GSE1: variants seen among roughly 807,000 people sequenced by gnomAD.
GSE1 encodes the protein Gse1 coiled-coil protein, also known as genetic suppressor element 1.
A neutral mutation model predicts 112.6 loss-of-function variants in GSE1; 32 were observed. The observed-to-expected ratio is 0.28, with a 90% CI of 0.21 to 0.38. The LOEUF is 0.38. Ranked by LOEUF, GSE1 falls within the 10% of genes least tolerant of loss-of-function variation. The pLI, the probability that GSE1 is intolerant of heterozygous loss-of-function variation, is 1.00. For missense variants in GSE1, 2,348 were observed against 1,699.2 expected, an observed-to-expected ratio of 1.38 and a Z score of -6.71; for synonymous variants, 1,115 against 735.6, an observed-to-expected ratio of 1.52 and a Z score of -8.35.
intron 1 of GSE1, among the ~76,000 whole-genome samples, chr16:85,559,684 G>A (rs1038517238): frequency 1.3e-5 from 2 of 152,182 alleles, no homozygotes; most frequent in Non-Finnish European, 2.9e-5. Flanking sequence ...GTCCTTGGGC[G>A]GGTGACTGAT....
intron 2 of GSE1, among the ~76,000 whole-genome samples, chr16:85,642,266 A>C (rs12934363): frequency 6.6e-6 from 1 of 152,212 alleles, no homozygotes; most frequent in Non-Finnish European, 1.5e-5. Context: ...AGGCATGATC[A>C]CACTGCTGCA....
rs140120701 is a variant in GSE1 at position 85,274,307 on chromosome 16, C to T, written c.2284-83156C>T. ...GGCTGAGGCAGGAGAATCGCTTGAACCTGGGAGGCGGAGGTTGCAGTGAGC... is the reference window on the plus strand; with the variant it reads ...GGCTGAGGCAGGAGAATCGCTTGAATCTGGGAGGCGGAGGTTGCAGTGAGC... On this transcript the variant is annotated intron_variant, in intron 1 of 2. Transcript: ENST00000637419. Among the ~76,000 whole-genome samples the T allele has an allele frequency of 1.0e-3, 158 of 152,212 alleles. 1 individual carries two copies. The highest frequency in any genetic ancestry group is 3.6e-3 in the African/African-American group (151 of 41,534).
chr16:85,671,124 T>G lies in GSE1; in HGVS notation c.3519+26T>G, dbSNP rs373429028. Reference sequence around the variant, plus strand: ...GTGAGTTGGGAAGGGATGGAAACCTTCAAACACGCAACCTTTTGAGTTTGG... The same window carrying G: ...GTGAGTTGGGAAGGGATGGAAACCTGCAAACACGCAACCTTTTGAGTTTGG... On this transcript the variant is annotated intron_variant, in intron 15 of 15. Coordinates refer to ENST00000253458, the MANE Select transcript of GSE1 (RefSeq NM_014615.5). 3 of 1,289,002 alleles carry G rather than the reference T, an allele frequency of 2.3e-6. No homozygotes were observed. The African/African-American group carries it at 4.4e-5, about 19-fold the overall frequency. The allele number at this position is 1,289,002 out of a possible 1,614,324, so 79.8% of individuals were successfully genotyped here. A position where few individuals can be genotyped will look rare whatever the true frequency, so the allele number is the denominator to read the frequency against.
intron 1 of GSE1, among the ~76,000 whole-genome samples, chr16:85,225,959 C>G (rs12931712): frequency 0.2 from 31,047 of 152,032 alleles, 3,276 homozygotes; most frequent in South Asian, 0.34. Flanking sequence ...CCGGGTGGCT[C>G]TTTTGTGGCT....
At chr16:85,392,362 T>C (rs147829863) in intron 2 of GSE1, among the ~76,000 whole-genome samples, 20 of 152,336 alleles carry the variant, frequency 1.3e-4, no homozygotes, top group African/African-American at 4.3e-4. Context: ...TAAGTATGTC[T>C]CATGCAATAT....
intron 2 of GSE1, among the ~76,000 whole-genome samples, chr16:85,452,519 C>T (rs939498272): frequency 7.9e-5 from 12 of 152,252 alleles, no homozygotes; most frequent in Non-Finnish European, 1.5e-4. Flanking sequence ...AAAGCTACCC[C>T]GGCGGGGCCC....
chr16:85,605,865 G>T (rs777417220), intron 1 of GSE1, among the ~76,000 whole-genome samples: 1 of 151,434 alleles, frequency 6.6e-6, no homozygotes, highest in Non-Finnish European at 1.5e-5. Flanking sequence ...GCTCATGGGC[G>T]GCCCAGGAGC....
intron 1 of GSE1, among the ~76,000 whole-genome samples, chr16:85,566,345 G>T (rs950732442): frequency 6.6e-6 from 1 of 152,186 alleles, no homozygotes; most frequent in East Asian, 1.9e-4. Context: ...CCCAGGCCAC[G>T]CACAGCGCCG....
chr16:85,604,196 G>A (rs139292117), intron 1 of GSE1, among the ~76,000 whole-genome samples: 28 of 152,296 alleles, frequency 1.8e-4, no homozygotes, highest in African/African-American at 6.3e-4. Context: ...CTAGCCCTAA[G>A]CAACTACTCC....
intron 1 of GSE1, among the ~76,000 whole-genome samples, chr16:85,187,298 G>A (rs999789643): frequency 7.9e-5 from 12 of 152,238 alleles, no homozygotes; most frequent in Non-Finnish European, 1.6e-4. Flanking sequence ...TGGCAGCCCC[G>A]CAGCTCGGGA....
At chr16:85,453,337 A>G (rs1408384236) in intron 2 of GSE1, among the ~76,000 whole-genome samples, 2 of 152,094 alleles carry the variant, frequency 1.3e-5, no homozygotes, top group African/African-American at 2.4e-5. Context: ...TGCTCGGTGC[A>G]TGGACGCAGT....
intron 1 of GSE1, among the ~76,000 whole-genome samples, chr16:85,276,467 C>A (rs1039705754): frequency 1.3e-5 from 2 of 152,212 alleles, no homozygotes; most frequent in Admixed American, 6.5e-5. Flanking sequence ...CTGCCTGCTG[C>A]CCCAGTGTAT....
upstream of GSE1, among the ~76,000 whole-genome samples, chr16:85,611,878 G>T (rs1439625586): frequency 6.6e-6 from 1 of 151,846 alleles, no homozygotes; most frequent in Non-Finnish European, 1.5e-5. Context: ...AGGGAGGAAG[G>T]CGGGGGAGGC....
At chr16:85,227,418 C>G (rs552092180) in intron 1 of GSE1, among the ~76,000 whole-genome samples, 1 of 152,220 alleles carries the variant, frequency 6.6e-6, no homozygotes, top group Non-Finnish European at 1.5e-5. Context: ...TCAGCTCTAT[C>G]TTGCAAGGGA....
intron 2 of GSE1, among the ~76,000 whole-genome samples, chr16:85,496,075 C>G (rs1180861361): frequency 6.6e-6 from 1 of 152,210 alleles, no homozygotes; most frequent in Non-Finnish European, 1.5e-5. Flanking sequence ...GGTGCAGAAT[C>G]CATCCGAGCA....
intron 2 of GSE1, among the ~76,000 whole-genome samples, chr16:85,502,868 G>A (rs7500038): frequency 0.025 from 3,863 of 152,312 alleles, 62 homozygotes; most frequent in Non-Finnish European, 0.034. Flanking sequence ...GAGCAAGCAG[G>A]GGGGTGAAAA....
chr16:85,590,540 T>A (rs1173045126), intron 1 of GSE1, among the ~76,000 whole-genome samples: 2 of 151,440 alleles, frequency 1.3e-5, no homozygotes, highest in Non-Finnish European at 2.9e-5. Flanking sequence ...TGAGCATGTG[T>A]GACATTGCGT....
chr16:85,351,291 C>G (rs2046845909), intron 1 of GSE1, among the ~76,000 whole-genome samples: 1 of 152,222 alleles, frequency 6.6e-6, no homozygotes, highest in Admixed American at 6.5e-5. Flanking sequence ...CCCTGGGCTG[C>G]TGTGGGTCCT....
At chr16:85,649,676 A>G (rs1371332076) in intron 3 of GSE1, among the ~76,000 whole-genome samples, 1 of 152,068 alleles carries the variant, frequency 6.6e-6, no homozygotes. Context: ...GGCCCTTCCT[A>G]ATTAAGAGCG....
Sources: gnomAD v4.1 joint callset for allele counts (sites outside exome capture counted in the v4.1 genomes callset) on GRCh38, gnomAD v4.1.1 for gene constraint, MANE v1.5 for transcripts, NCBI Gene and HGNC (gene_info 2026-07-23, HGNC 2026-07-21) for gene names.